AP1S3: variants seen among roughly 807,000 people sequenced by gnomAD.
AP1S3 encodes the protein adaptor related protein complex 1 subunit sigma 3.
AP1S3 carries 10 observed loss-of-function variants against 20.9 expected under a neutral mutation model. That is an observed-to-expected ratio of 0.48 (90% CI 0.29 to 0.81). The LOEUF is 0.81. Among genes scored for constraint, AP1S3 ranks in the 30% least tolerant of loss-of-function variants. The probability of loss-of-function intolerance (pLI) is 0.08; values close to 1 mark genes in which losing one functional copy is unlikely to be tolerated. For missense variants in AP1S3, 154 were observed against 183.8 expected, an observed-to-expected ratio of 0.84 and a Z score of 0.94; for synonymous variants, 41 against 61.5, an observed-to-expected ratio of 0.67 and a Z score of 1.56.
Position 223,776,179 on chromosome 2 carries a change from T to C in AP1S3, c.183-170A>G, listed in dbSNP as rs55944411. On this transcript the variant is annotated intron_variant, in intron 2 of 4. Coordinates refer to ENST00000396654, the MANE Select transcript of AP1S3 (RefSeq NM_001039569.2). ...GCCTCCTGAAATATAAATCAGAATATATGAAAATTCTGTGGGGGTTGGATT... is the reference window on the plus strand; with the variant it reads ...GCCTCCTGAAATATAAATCAGAATACATGAAAATTCTGTGGGGGTTGGATT... The C allele has an allele frequency of 0.1, 71,306 of 701,156 alleles. 6,494 individuals carry two copies. The highest frequency in any genetic ancestry group is 0.34 in the African/African-American group (19,502 of 56,928). The allele number at this position is 701,156 out of a possible 1,614,324, so 43.4% of individuals were successfully genotyped here.
intron 1 of AP1S3, among the ~76,000 whole-genome samples, chr2:223,827,962 G>A (rs905883428): frequency 6.7e-6 from 1 of 149,268 alleles, no homozygotes; most frequent in Non-Finnish European, 1.5e-5. Flanking sequence ...AGGAGGCTGA[G>A]GCAGGAGAAT....
chr2:223,786,532 T>C (rs1266106937), intron 1 of AP1S3, among the ~76,000 whole-genome samples: 1 of 151,884 alleles, frequency 6.6e-6, no homozygotes, highest in African/African-American at 2.4e-5. Context: ...GACAGGAAGA[T>C]TGCTTGAGGC....
chr2:223,825,927 G>A (rs547677569), intron 1 of AP1S3, among the ~76,000 whole-genome samples: 1 of 152,088 alleles, frequency 6.6e-6, no homozygotes, highest in African/African-American at 2.4e-5. Flanking sequence ...TAAGGTGGGG[G>A]GATCACTTGA....
chr2:223,770,600 G>C (rs950720662), intron 3 of AP1S3, among the ~76,000 whole-genome samples: 1 of 151,818 alleles, frequency 6.6e-6, no homozygotes, highest in East Asian at 1.9e-4. Context: ...AGGCATTACA[G>C]AGAATGTTAC....
chr2:223,796,065 C>G (rs943325814), intron 1 of AP1S3, among the ~76,000 whole-genome samples: 1 of 151,990 alleles, frequency 6.6e-6, no homozygotes, highest in Non-Finnish European at 1.5e-5. Context: ...CCCAGCTACT[C>G]GGGAGGCTGA....
At chr2:223,767,476 C>G (rs1690512318) in intron 3 of AP1S3, among the ~76,000 whole-genome samples, 3 of 151,896 alleles carry the variant, frequency 2.0e-5, no homozygotes, top group Admixed American at 6.6e-5. Flanking sequence ...ATCTCTACTG[C>G]ATGTTGCTTA....
intron 1 of AP1S3, among the ~76,000 whole-genome samples, chr2:223,807,620 T>C (rs1406793231): frequency 1.3e-5 from 2 of 152,152 alleles, no homozygotes; most frequent in East Asian, 3.9e-4. Flanking sequence ...CTTCTGGTGC[T>C]GTTCTTGCGA....
At position 223,757,711 on chromosome 2, in the gene AP1S3, T is replaced by TG; in HGVS notation, c.*1003dup. On this transcript the variant is annotated 3_prime_UTR_variant, in exon 5 of 5. Coordinates refer to ENST00000396654, the MANE Select transcript of AP1S3 (RefSeq NM_001039569.2). ...AATGGTCAGCAGCAAATCTTTTCTTTGGGGAGGAAAGGGTAAGAAAAGAAA... is the reference window on the plus strand; with the variant it reads ...AATGGTCAGCAGCAAATCTTTTCTTTGGGGGAGGAAAGGGTAAGAAAAGAAA... 1 of 985,346 alleles carries TG rather than the reference T, an allele frequency of 1.0e-6. No individual in the cohort carries two copies. Among genetic ancestry groups the TG allele is most frequent in the Admixed American group, 6.1e-5 (1 of 16,274 alleles). The allele number at this position is 985,346 out of a possible 1,614,324, so 61.0% of individuals were successfully genotyped here.
intron 1 of AP1S3, among the ~76,000 whole-genome samples, chr2:223,817,169 G>A (rs763520220): frequency 1.2e-4 from 19 of 152,102 alleles, no homozygotes; most frequent in Non-Finnish European, 2.2e-4. Context: ...TTAGGCCTCC[G>A]TATGAGAGGT....
At chr2:223,794,780 T>G (rs1390089336) in intron 1 of AP1S3, among the ~76,000 whole-genome samples, 1 of 152,148 alleles carries the variant, frequency 6.6e-6, no homozygotes, top group African/African-American at 2.4e-5. Flanking sequence ...AGACTATCTT[T>G]CCAAGGCTAC....
At chr2:223,836,043 G>C (rs938829384) in intron 1 of AP1S3, among the ~76,000 whole-genome samples, 2 of 152,178 alleles carry the variant, frequency 1.3e-5, no homozygotes, top group Non-Finnish European at 2.9e-5. Flanking sequence ...AAATGATGCC[G>C]CTAGTGTGTG....
At chr2:223,837,233 G>A (rs1407095126) in intron 1 of AP1S3, among the ~76,000 whole-genome samples, 1 of 151,554 alleles carries the variant, frequency 6.6e-6, no homozygotes, top group South Asian at 2.1e-4. Flanking sequence ...GCGGCGCCGC[G>A]GCGCCGCGTT....
chr2:223,825,312 C>A (rs1270318315), intron 1 of AP1S3, among the ~76,000 whole-genome samples: 13 of 146,190 alleles, frequency 8.9e-5, no homozygotes, highest in Admixed American at 1.4e-4. Context: ...GACTCCGTCT[C>A]AAAAAAAAAA....
intron 1 of AP1S3, among the ~76,000 whole-genome samples, chr2:223,832,807 CTTTT>C (rs66947467): frequency 1.3e-4 from 17 of 129,926 alleles, no homozygotes; most frequent in Admixed American, 2.4e-4. Flanking sequence ...TTTCTTTTTT[CTTTT>C]TTTTTTTTTT....
At chr2:223,779,406 T>A (rs1233794118) in intron 1 of AP1S3, among the ~76,000 whole-genome samples, 1 of 152,158 alleles carries the variant, frequency 6.6e-6, no homozygotes, top group East Asian at 1.9e-4. Flanking sequence ...GTTAGAATGT[T>A]TTTTAAAAAA....
chr2:223,837,005 G>C (rs1692417065), intron 1 of AP1S3, among the ~76,000 whole-genome samples: 1 of 151,990 alleles, frequency 6.6e-6, no homozygotes, highest in African/African-American at 2.4e-5. Context: ...ACTCCACCCG[G>C]TTGTATTTGA....
intron 3 of AP1S3, among the ~76,000 whole-genome samples, chr2:223,771,819 A>G (rs1401659384): frequency 1.3e-5 from 2 of 152,240 alleles, no homozygotes; most frequent in Non-Finnish European, 2.9e-5. Flanking sequence ...ATATAAAATA[A>G]GAATAGGCCG....
chr2:223,835,861 G>T (rs1417451166), intron 1 of AP1S3, among the ~76,000 whole-genome samples: 1 of 152,142 alleles, frequency 6.6e-6, no homozygotes, highest in East Asian at 1.9e-4. Flanking sequence ...AGCCTTTGAT[G>T]ACTCAGAAAC....
chr2:223,805,091 T>C (rs901894181), intron 1 of AP1S3, among the ~76,000 whole-genome samples: 1 of 152,196 alleles, frequency 6.6e-6, no homozygotes, highest in African/African-American at 2.4e-5. Flanking sequence ...GGCAGAAGCC[T>C]TAAAAAACTC....
Sources: gnomAD v4.1 joint callset for allele counts (sites outside exome capture counted in the v4.1 genomes callset) on GRCh38, gnomAD v4.1.1 for gene constraint, MANE v1.5 for transcripts, NCBI Gene and HGNC (gene_info 2026-07-23, HGNC 2026-07-21) for gene names.